The following AGBL4 variants were observed in gnomAD, a reference collection of about 807,000 sequenced individuals.
The protein encoded by AGBL4 is AGBL carboxypeptidase 4, also known as cytosolic carboxypeptidase 6.
AGBL4 carries 58 observed loss-of-function variants against 66.4 expected under a neutral mutation model. The ratio of observed to expected loss-of-function variants is 0.87; its 90% CI spans 0.71 to 1.09. The LOEUF is 1.09. Among genes scored for constraint, AGBL4 ranks in the 50% least tolerant of loss-of-function variants. AGBL4 has a pLI of 0.00. For missense variants in AGBL4, 579 were observed against 631.0 expected (o/e 0.92, Z 0.88); for synonymous variants, 234 against 222.9 (o/e 1.05, Z -0.44).
chr1:48,968,843 AAAGCC>A (rs1571124484), intron 5 of AGBL4, among the ~76,000 whole-genome samples: 2 of 152,180 alleles, frequency 1.3e-5, no homozygotes, highest in East Asian at 1.9e-4. Context: ...CATTCAGCAG[AAAGCC>A]TGCCCAGCAT....
intron 3 of AGBL4, among the ~76,000 whole-genome samples, chr1:49,348,998 G>C (rs1054773664): frequency 1.3e-5 from 2 of 151,904 alleles, no homozygotes; most frequent in African/African-American, 2.4e-5. Context: ...AATGCTTTTT[G>C]GTCTCATCTC....
chr1:49,217,142 G>A (rs1380033431), intron 4 of AGBL4, among the ~76,000 whole-genome samples: 6 of 151,894 alleles, frequency 4.0e-5, no homozygotes, highest in East Asian at 1.9e-4. Context: ...CACAGAAAAC[G>A]AAGCAGAGAG....
chr1:50,021,522 T>G (rs1662440872), intron 1 of AGBL4, among the ~76,000 whole-genome samples: 1 of 152,212 alleles, frequency 6.6e-6, no homozygotes, highest in Admixed American at 6.5e-5. Flanking sequence ...ATCCCAATAA[T>G]GGCACCACTA....
chr1:49,275,928 G>A (rs975611043), intron 3 of AGBL4, among the ~76,000 whole-genome samples: 5 of 151,924 alleles, frequency 3.3e-5, no homozygotes, highest in African/African-American at 4.8e-5. Context: ...AAACTACTCC[G>A]GAAAGCTCAC....
chr1:49,948,088 A>C (rs1192273946), intron 1 of AGBL4, among the ~76,000 whole-genome samples: 1 of 88,484 alleles, frequency 1.1e-5, no homozygotes, highest in Non-Finnish European at 1.9e-5. Context: ...ATATGTAAAT[A>C]TATGTATATG....
intron 3 of AGBL4, among the ~76,000 whole-genome samples, chr1:49,604,347 A>T (rs1645024382): frequency 6.6e-6 from 1 of 152,152 alleles, no homozygotes; most frequent in Non-Finnish European, 1.5e-5. Flanking sequence ...GCATTGCTTC[A>T]TATGTTTGTT....
rs1647101519 is a variant in AGBL4 at position 48,719,150 on chromosome 1, A to G, written c.635-55909T>C. On this transcript the variant is annotated intron_variant, in intron 6 of 13. Transcript: ENST00000371839. ...GAAAGACCTGACAGAGACATGTACAAACCTGAAATGCGCCCCCTTCCCCCA... is the reference window on the plus strand; with the variant it reads ...GAAAGACCTGACAGAGACATGTACAGACCTGAAATGCGCCCCCTTCCCCCA... Among the ~76,000 whole-genome samples the G allele has an allele frequency of 2.0e-5, 3 of 152,136 alleles. No homozygotes were observed. In the South Asian group the frequency reaches 6.2e-4, roughly 32 times the overall value.
At chr1:48,653,531 A>C (rs1222949077) in intron 7 of AGBL4, 80 bp from the exon 8 acceptor site, 1 of 1,113,794 alleles carries the variant, frequency 9.0e-7, no homozygotes, top group Non-Finnish European at 1.3e-6. Context: ...TTGGAAAACA[A>C]GAAGAGCTCA....
At chr1:48,726,744 G>A (rs1280112369) in intron 6 of AGBL4, among the ~76,000 whole-genome samples, 4 of 152,350 alleles carry the variant, frequency 2.6e-5, no homozygotes, top group Admixed American at 2.6e-4. Context: ...TGACCCATTA[G>A]AGAAACCAGA....
chr1:50,023,226 T>C (rs980725201), intron 1 of AGBL4, among the ~76,000 whole-genome samples: 2 of 152,078 alleles, frequency 1.3e-5, no homozygotes, highest in African/African-American at 4.8e-5. Flanking sequence ...TGACCAGGAG[T>C]GACCCTGAGG....
chr1:49,824,397 C>G (rs1004846687), intron 2 of AGBL4, among the ~76,000 whole-genome samples: 1 of 152,144 alleles, frequency 6.6e-6, no homozygotes, highest in Non-Finnish European at 1.5e-5. Context: ...CAAGTGTTTA[C>G]TAACAATGCT....
chr1:49,289,441 C>T (rs552592451), intron 3 of AGBL4, among the ~76,000 whole-genome samples: 1 of 152,046 alleles, frequency 6.6e-6, no homozygotes, highest in African/African-American at 2.4e-5. Flanking sequence ...TTATAAAAAG[C>T]GATAGTGCTA....
At chr1:48,636,057 T>G (rs2148417072) in intron 8 of AGBL4, among the ~76,000 whole-genome samples, 1 of 152,382 alleles carries the variant, frequency 6.6e-6, no homozygotes, top group South Asian at 2.1e-4. Context: ...TTTTCAGTGC[T>G]GCACTATTTT....
At chr1:49,714,972 T>A (rs1309986196) in intron 2 of AGBL4, among the ~76,000 whole-genome samples, 2 of 151,652 alleles carry the variant, frequency 1.3e-5, no homozygotes, top group African/African-American at 2.4e-5. Context: ...TTTTTAAAAA[T>A]TTTTTCAATT....
intron 4 of AGBL4, among the ~76,000 whole-genome samples, chr1:49,200,303 T>C (rs2148228089): frequency 6.6e-6 from 1 of 152,344 alleles, no homozygotes; most frequent in East Asian, 1.9e-4. Context: ...CTAAACTGTG[T>C]TTCTTCCTAC....
chr1:48,859,841 A>T (rs2148817432), intron 6 of AGBL4, among the ~76,000 whole-genome samples: 1 of 152,348 alleles, frequency 6.6e-6, no homozygotes, highest in Non-Finnish European at 1.5e-5. Flanking sequence ...AAATTTTTAT[A>T]TAAGAATGCT....
intron 4 of AGBL4, among the ~76,000 whole-genome samples, chr1:49,235,515 C>T (rs1307162605): frequency 1.3e-5 from 2 of 152,196 alleles, no homozygotes; most frequent in Non-Finnish European, 2.9e-5. Flanking sequence ...AAATCAGTCC[C>T]ATGAGGGCCC....
At chr1:49,835,885 T>C (rs760737223) in intron 2 of AGBL4, among the ~76,000 whole-genome samples, 1 of 152,220 alleles carries the variant, frequency 6.6e-6, no homozygotes, top group African/African-American at 2.4e-5. Context: ...TCTTTAAGAA[T>C]GTTGAATATT....
At chr1:49,205,956 C>A (rs540706238) in intron 4 of AGBL4, among the ~76,000 whole-genome samples, 1 of 152,122 alleles carries the variant, frequency 6.6e-6, no homozygotes, top group African/African-American at 2.4e-5. Context: ...TCTGATTTAG[C>A]CATGGAGCAA....
Sources: gnomAD v4.1 joint callset for allele counts (sites outside exome capture counted in the v4.1 genomes callset) on GRCh38, gnomAD v4.1.1 for gene constraint, MANE v1.5 for transcripts, NCBI Gene and HGNC (gene_info 2026-07-23, HGNC 2026-07-21) for gene names.